The following IMPG2 variants were observed in gnomAD, a reference collection of about 807,000 sequenced individuals.
The protein encoded by IMPG2 is IPM 200.
In IMPG2, 91 loss-of-function variants were observed where a neutral mutation model predicts 129.2. The observed-to-expected ratio is 0.70, with a 90% confidence interval of 0.59 to 0.84. The LOEUF is 0.84. Among genes scored for constraint, IMPG2 ranks in the 40% least tolerant of loss-of-function variants. The probability of loss-of-function intolerance (pLI) is 0.00; values close to 1 mark genes in which losing one functional copy is unlikely to be tolerated. For missense variants in IMPG2, 1,430 were observed against 1,461.7 expected, an observed-to-expected ratio of 0.98 and a Z score of 0.35; for synonymous variants, 510 against 517.7, an observed-to-expected ratio of 0.99 and a Z score of 0.20.
intron 9 of IMPG2, among the ~76,000 whole-genome samples, chr3:101,262,913 C>G (rs1706685317): frequency 6.6e-6 from 1 of 151,484 alleles, no homozygotes. Flanking sequence ...CATGCTCAGA[C>G]AAAACAGACT....
At chr3:101,319,958 C>T (rs2058803432) in intron 1 of IMPG2, 126 bp from the exon 2 acceptor site, 1 of 943,476 alleles carries the variant, frequency 1.1e-6, no homozygotes, top group Non-Finnish European at 1.6e-6. Flanking sequence ...CATAGGCAGG[C>T]ATGCATATCT....
chr3:101,258,685 CA>C (rs1466410633), intron 9 of IMPG2, among the ~76,000 whole-genome samples: 1 of 151,820 alleles, frequency 6.6e-6, no homozygotes, highest in East Asian at 1.9e-4. Context: ...TTTCCACAAG[CA>C]AAAAAGAGGA....
chr3:101,246,223 TTAA>T (rs958570119), intron 11 of IMPG2, 118 bp from the exon 12 acceptor site: 33 of 899,094 alleles, frequency 3.7e-5, no homozygotes, highest in Non-Finnish European at 1.7e-6. Context: ...AGGCGGTGTA[TTAA>T]TAATATTAGG....
intron 4 of IMPG2, among the ~76,000 whole-genome samples, chr3:101,280,073 G>A (rs1706877012): frequency 6.6e-6 from 1 of 152,190 alleles, no homozygotes; most frequent in African/African-American, 2.4e-5. Flanking sequence ...CAAAGTTGAA[G>A]CTGTTCAGCT....
Position 101,243,679 on chromosome 3 carries a change from T to G in IMPG2, c.2652A>C (p.Thr884=), listed in dbSNP as rs775071089. 7.4e-6 allele frequency: 12 copies of G among 1,614,116 alleles called. No homozygotes were observed. Among genetic ancestry groups the G allele is most frequent in the Non-Finnish European group, 1.0e-5 (12 of 1,180,004 alleles). Residue 884 remains threonine (T), a synonymous_variant, in exon 13 of 19, where the codon ACA becomes ACC. Transcript: ENST00000193391. ...TATAACTCAAGTCATCTCCTCCTTC[T>G]GTGGGCCAAGCCACACTAACCATCT... ...STEMVSVAWP[T]EGGDDLSYTQ... is the part of the protein sequence containing the mutation.
At chr3:101,314,814 A>G (rs1201737710) in intron 2 of IMPG2, among the ~76,000 whole-genome samples, 1 of 152,184 alleles carries the variant, frequency 6.6e-6, no homozygotes, top group African/African-American at 2.4e-5. Context: ...ATGGAGGGAT[A>G]TATCATGTTC....
intron 10 of IMPG2, among the ~76,000 whole-genome samples, chr3:101,255,612 C>A (rs72930589): frequency 1.3e-5 from 2 of 152,192 alleles, no homozygotes; most frequent in South Asian, 2.1e-4. Context: ...CTAACTATAT[C>A]TTTTCTCTGT....
intron 4 of IMPG2, among the ~76,000 whole-genome samples, chr3:101,280,204 G>C (rs925688768): frequency 6.6e-6 from 1 of 152,134 alleles, no homozygotes; most frequent in African/African-American, 2.4e-5. Context: ...ATTCAGGTGG[G>C]ATCATGTCAA....
chr3:101,260,622 T>C (rs1706658832), intron 9 of IMPG2, among the ~76,000 whole-genome samples: 1 of 152,244 alleles, frequency 6.6e-6, no homozygotes, highest in Non-Finnish European at 1.5e-5. Flanking sequence ...ATACATTTCC[T>C]TCTCTCTCCA....
Position 101,244,259 on chromosome 3 carries a change from G to T in IMPG2, c.2072C>A (p.Ala691Glu). The T allele has an allele frequency of 6.2e-7, 1 of 1,614,022 alleles. No homozygotes were observed. Among genetic ancestry groups the T allele is most frequent in the South Asian group, 1.1e-5 (1 of 91,072 alleles). Residue 691 changes from alanine (A) to glutamate (E), a missense_variant, in exon 13 of 19, where the codon GCA (alanine) becomes GAA (glutamate). Transcript: ENST00000193391. Reference sequence around the variant, plus strand: ...AGACGCAGATTCAGCTGCAGTATCTGCGAAGATGGGCACAGCAGGCCCACT... The same window carrying T: ...AGACGCAGATTCAGCTGCAGTATCTTCGAAGATGGGCACAGCAGGCCCACT... Reference protein sequence around the residue: ...PLSGPAVPIFADTAAESASLT... With the variant: ...PLSGPAVPIFEDTAAESASLT...
intron 5 of IMPG2, 29 bp downstream of exon 5, chr3:101,276,635 G>A: frequency 6.6e-7 from 1 of 1,506,022 alleles, no homozygotes; most frequent in Non-Finnish European, 9.2e-7. Context: ...AATTTTAAAA[G>A]AAAAGTGAAT....
At chr3:101,278,331 C>G (rs182722885) in intron 4 of IMPG2, among the ~76,000 whole-genome samples, 171 of 152,214 alleles carry the variant, frequency 1.1e-3, no homozygotes, top group African/African-American at 3.9e-3. Flanking sequence ...ATAGACGTGC[C>G]CAGGTCTGTG....
At chr3:101,291,391 G>C in intron 4 of IMPG2, 88 bp downstream of exon 4, 1 of 1,093,826 alleles carries the variant, frequency 9.1e-7, no homozygotes, top group Non-Finnish European at 1.4e-6. Flanking sequence ...AAAATAGAAA[G>C]GCACCATTAA....
At chr3:101,295,179 C>A (rs1350227055) in intron 3 of IMPG2, among the ~76,000 whole-genome samples, 1 of 152,118 alleles carries the variant, frequency 6.6e-6, no homozygotes, top group African/African-American at 2.4e-5. Context: ...AATGGTATTG[C>A]CTAGGTTTTC....
chr3:101,310,765 T>C (rs531595898), intron 2 of IMPG2, among the ~76,000 whole-genome samples: 6 of 152,230 alleles, frequency 3.9e-5, no homozygotes, highest in African/African-American at 1.2e-4. Flanking sequence ...TTGGAAGGAA[T>C]ATGGGAGAGC....
rs754599795 is a variant in IMPG2, at chr3:101,243,948, T to C, written c.2383A>G (p.Arg795Gly). ...TGTGGTGTACTTGCCAATATGTCTC[T>C]GGACAATTTCTCTAGGGAAGAAGTT... ...TRTSSLEKLS[R>G]DILASTPQSA... is the part of the protein sequence containing the mutation. The change falls in exon 13 of 19, where the codon AGA becomes GGA. Residue 795 changes from arginine to glycine, a missense_variant. Transcript: ENST00000193391. 6.2e-7 allele frequency: 1 copy of C among 1,614,192 alleles called. No individual in the cohort carries two copies.
At chr3:101,291,759 A>AT (rs1707016758) in intron 3 of IMPG2, among the ~76,000 whole-genome samples, 1 of 152,188 alleles carries the variant, frequency 6.6e-6, no homozygotes, top group African/African-American at 2.4e-5. Flanking sequence ...ATGGGCTCAA[A>AT]TAACAGGCTT....
At chr3:101,236,431 C>T (rs1706346469) in intron 14 of IMPG2, among the ~76,000 whole-genome samples, 1 of 152,028 alleles carries the variant, frequency 6.6e-6, no homozygotes, top group Non-Finnish European at 1.5e-5. Context: ...ATAGGAACAG[C>T]TCCAGTCTGC....
chr3:101,226,271 A>ATATT lies in IMPG2; in HGVS notation c.*697_*698insAATA, dbSNP rs1706223049. 1 of 59,720 alleles carries ATATT rather than the reference A, an allele frequency of 1.7e-5. No individual in the cohort carries two copies. Among genetic ancestry groups the ATATT allele is most frequent in the African/African-American group, 5.3e-5 (1 of 18,996 alleles). 3.7% of individuals were successfully genotyped at this position (59,720 alleles called of 1,614,324 possible). A position where few individuals can be genotyped will look rare whatever the true frequency, so the allele number is the denominator to read the frequency against. ...TATATATATATATATATATATATAT[A>ATATT]TATATATATGCATTCATCCTGAAAA... is the stretch of plus-strand genomic sequence containing the variant. On this transcript the variant is annotated 3_prime_UTR_variant, in exon 19 of 19. Coordinates refer to ENST00000193391, the MANE Select transcript of IMPG2 (RefSeq NM_016247.4).
Sources: allele counts gnomAD v4.1 joint callset (sites outside exome capture counted in the v4.1 genomes callset), GRCh38; gene constraint gnomAD v4.1.1; transcripts MANE v1.5; gene names NCBI Gene and HGNC (gene_info 2026-07-23, HGNC 2026-07-21).